The following NOVA1 variants were observed in gnomAD, a reference collection of about 807,000 sequenced individuals.
NOVA1 encodes RNA-binding protein Nova-1.
A neutral mutation model predicts 38.0 loss-of-function variants in NOVA1; 7 were observed. The observed-to-expected ratio is 0.18, with a 90% CI of 0.10 to 0.35. The LOEUF is 0.35. Ranked by LOEUF, NOVA1 falls within the 10% of genes least tolerant of loss-of-function variation. The probability of loss-of-function intolerance (pLI) is 1.00; values close to 1 mark genes in which losing one functional copy is unlikely to be tolerated. For missense variants in NOVA1, 460 were observed against 616.0 expected (o/e 0.75, Z 2.68); for synonymous variants, 270 against 232.5 (o/e 1.16, Z -1.47).
chr14:26,473,310 T>C (rs991518016), intron 3 of NOVA1, among the ~76,000 whole-genome samples: 3 of 151,116 alleles, frequency 2.0e-5, no homozygotes, highest in Admixed American at 2.0e-4. Flanking sequence ...GTAAGATGTT[T>C]AGAATTTTTT....
rs564161870 is a variant in NOVA1 at position 26,451,614 on chromosome 14, C to A, written c.520-2651G>T. Among the ~76,000 whole-genome samples, 5 of 152,256 alleles carry A rather than the reference C, an allele frequency of 3.3e-5. No homozygotes were observed. The East Asian group carries it at 9.6e-4, about 29-fold the overall frequency. ...TCTCAAACTCCTGACCTCAGGTGAT[C>A]CGCCTGCCTCGGCCACCCAAAATGC... On this transcript the variant is annotated intron_variant, in intron 4 of 4. Transcript: ENST00000539517.
At chr14:26,542,783 TTTAA>T (rs1890551213) in intron 2 of NOVA1, among the ~76,000 whole-genome samples, 1 of 151,168 alleles carries the variant, frequency 6.6e-6, no homozygotes, top group Non-Finnish European at 1.5e-5. Flanking sequence ...ATTACAGCTA[TTTAA>T]TTAAATTAAT....
At chr14:26,533,919 A>G (rs1889895910) in intron 2 of NOVA1, among the ~76,000 whole-genome samples, 1 of 152,222 alleles carries the variant, frequency 6.6e-6, no homozygotes, top group South Asian at 2.1e-4. Context: ...AAGGCCTATC[A>G]AATAAATATA....
intron 3 of NOVA1, 146 bp from the exon 4 acceptor site, chr14:26,472,537 A>G (rs1251349144): frequency 4.6e-6 from 2 of 434,044 alleles, no homozygotes; most frequent in Non-Finnish European, 8.3e-6. Flanking sequence ...AATTTAATGG[A>G]TTTTAACATC....
At chr14:26,512,282 T>C (rs1888156729) in intron 2 of NOVA1, among the ~76,000 whole-genome samples, 1 of 152,222 alleles carries the variant, frequency 6.6e-6, no homozygotes, top group Non-Finnish European at 1.5e-5. Context: ...TTACTTGAAT[T>C]GTTGAAGAAT....
Position 26,480,013 on chromosome 14 carries a change from T to A in NOVA1, c.411A>T (p.Gln137His). 1 of 1,613,958 alleles carries A rather than the reference T, an allele frequency of 6.2e-7. No homozygotes were observed. Among genetic ancestry groups the A allele is most frequent in the Non-Finnish European group, 8.5e-7 (1 of 1,179,978 alleles). Residue 137 changes from glutamine (Q) to histidine (H), a missense_variant, in exon 3 of 5, where the codon CAA becomes CAT. Coordinates refer to ENST00000539517, the MANE Select transcript of NOVA1 (RefSeq NM_002515.3). ...VAKTEPVSILQPQTTVNPDRI... is the reference protein window; with the variant it reads ...VAKTEPVSILHPQTTVNPDRI... ...GATCTGGATTAACGGTGGTCTGGGG[T>A]TGTAGAATGCTGACTGGTTCTGTCT... is the stretch of plus-strand genomic sequence containing the variant.
At chr14:26,523,917 A>T (rs1362816149) in intron 2 of NOVA1, among the ~76,000 whole-genome samples, 1 of 151,504 alleles carries the variant, frequency 6.6e-6, no homozygotes, top group African/African-American at 2.4e-5. Context: ...TGCCCAGCTA[A>T]TTTTTTTGTA....
intron 2 of NOVA1, among the ~76,000 whole-genome samples, chr14:26,555,688 T>C (rs959321550): frequency 2.6e-5 from 4 of 152,142 alleles, no homozygotes; most frequent in Non-Finnish European, 1.5e-5. Flanking sequence ...AATTCACTGT[T>C]AGTTAATAAT....
At chr14:26,560,162 A>AT (rs1464801772) in intron 2 of NOVA1, among the ~76,000 whole-genome samples, 1 of 152,010 alleles carries the variant, frequency 6.6e-6, no homozygotes, top group Non-Finnish European at 1.5e-5. Context: ...AGGTACATGA[A>AT]TTTTTTAGCA....
At chr14:26,499,072 A>G (rs1566481001) in intron 2 of NOVA1, among the ~76,000 whole-genome samples, 1 of 152,254 alleles carries the variant, frequency 6.6e-6, no homozygotes, top group Non-Finnish European at 1.5e-5. Context: ...GATACAAAGT[A>G]GCAAATATGT....
intron 2 of NOVA1, among the ~76,000 whole-genome samples, chr14:26,503,431 T>A (rs1002275270): frequency 2.0e-5 from 3 of 152,074 alleles, no homozygotes; most frequent in Admixed American, 6.6e-5. Flanking sequence ...TTCAATTGTA[T>A]TAAAAAATCA....
rs540867779 is a variant in NOVA1 at position 26,556,711 on chromosome 14, G to C, written c.280+38699C>G. Among the ~76,000 whole-genome samples, 333 of 152,160 alleles carry C rather than the reference G, an allele frequency of 2.2e-3. 1 individual carries two copies. Among genetic ancestry groups the C allele is most frequent in the African/African-American group, 7.2e-3 (299 of 41,526 alleles). ...AAAACACTATTAAGAAAATGAAAAGGTAAGCCACAGATAGGGAAAAACACA... is the reference window on the plus strand; with the variant it reads ...AAAACACTATTAAGAAAATGAAAAGCTAAGCCACAGATAGGGAAAAACACA... On this transcript the variant is annotated intron_variant, in intron 2 of 4. Transcript: ENST00000539517.
chr14:26,597,170 G>T (rs1180828629), intron 1 of NOVA1, 131 bp downstream of exon 1: 3 of 1,182,440 alleles, frequency 2.5e-6, no homozygotes, highest in South Asian at 4.3e-5. Flanking sequence ...CGCAGGGGCC[G>T]CCGGGTTCGG....
At chr14:26,495,646 C>T (rs1402071530) in intron 2 of NOVA1, among the ~76,000 whole-genome samples, 1 of 137,584 alleles carries the variant, frequency 7.3e-6, no homozygotes, top group Non-Finnish European at 1.6e-5. Context: ...TCCCTACCCC[C>T]TCCCCCCACC....
Position 26,554,351 on chromosome 14 carries a change from G to GA in NOVA1, c.280+41058dup, listed in dbSNP as rs150712037. The stretch of plus-strand genomic sequence containing the variant: ...CACAGGAGGAGAAATAGGTATATGA[G>GA]AAAAAAAAACAAAACAAAACAGATC... On this transcript the variant is annotated intron_variant, in intron 2 of 4. Transcript: ENST00000539517. Among the ~76,000 whole-genome samples the GA allele has an allele frequency of 3.9e-3, 576 of 148,706 alleles. 2 individuals carry two copies. The highest frequency in any genetic ancestry group is 0.013 in the African/African-American group (515 of 40,498).
intron 2 of NOVA1, among the ~76,000 whole-genome samples, chr14:26,536,573 A>T (rs528427788): frequency 6.6e-6 from 1 of 152,192 alleles, no homozygotes; most frequent in South Asian, 2.1e-4. Flanking sequence ...ATTTGGAAAA[A>T]ATAAAGCGAG....
At chr14:26,496,182 TG>T (rs1374895639) in intron 2 of NOVA1, among the ~76,000 whole-genome samples, 7 of 151,780 alleles carry the variant, frequency 4.6e-5, no homozygotes, top group African/African-American at 1.7e-4. Flanking sequence ...TTTTAATGAT[TG>T]CCATTCTAAC....
At chr14:26,474,948 G>T (rs1009506769) in intron 3 of NOVA1, among the ~76,000 whole-genome samples, 2 of 151,858 alleles carry the variant, frequency 1.3e-5, no homozygotes, top group African/African-American at 4.8e-5. Context: ...ACCCTCGAAA[G>T]TTTCCTTTCA....
intron 4 of NOVA1, chr14:26,470,172 C>A (rs1474575684): frequency 2.3e-6 from 2 of 859,884 alleles, no homozygotes; most frequent in Non-Finnish European, 1.5e-6. Context: ...TCCATTAGTT[C>A]TTTTCATTAC....
Sources: gnomAD v4.1 joint callset for allele counts (sites outside exome capture counted in the v4.1 genomes callset) on GRCh38, gnomAD v4.1.1 for gene constraint, MANE v1.5 for transcripts, NCBI Gene and HGNC (gene_info 2026-07-23, HGNC 2026-07-21) for gene names.